The following PCNX3 variants were observed in gnomAD, a reference collection of about 807,000 sequenced individuals.
PCNX3 encodes pecanex-like protein 3.
A neutral mutation model predicts 207.2 loss-of-function variants in PCNX3; 58 were observed. The observed-to-expected ratio is 0.28, with a 90% CI of 0.23 to 0.35. PCNX3 has a LOEUF of 0.35. Among genes scored for constraint, PCNX3 ranks in the 10% least tolerant of loss-of-function variants. The pLI, the probability that PCNX3 is intolerant of heterozygous loss-of-function variation, is 1.00. For missense variants in PCNX3, 2,410 were observed against 2,774.4 expected, an observed-to-expected ratio of 0.87 and a Z score of 2.95; for synonymous variants, 1,337 against 1,183.5, an observed-to-expected ratio of 1.13 and a Z score of -2.66.
rs571809760 is a variant in PCNX3, at chr11:65,635,958, C to T, written c.5459+155C>T. Among the ~76,000 whole-genome samples, 1 of 152,244 alleles carries T rather than the reference C, an allele frequency of 6.6e-6. No homozygotes were observed. Among genetic ancestry groups the T allele is most frequent in the East Asian group, 1.9e-4 (1 of 5,186 alleles). ...CTGACCTGCCCCTCCTAGATGTCAC[C>T]TTACCCCCAGAGCTGACAGTGGCCT... On this transcript the variant is annotated intron_variant, in intron 32 of 34. Coordinates refer to ENST00000355703, the MANE Select transcript of PCNX3 (RefSeq NM_032223.4). This position sits in a 1 kb window ranked among gnomAD's most constrained non-coding sequence, Gnocchi z 9.9.
In PCNX3 at chr11:65,625,096, T is replaced by A; in HGVS notation, c.2920-75T>A. ...CGGGGCTGTGAACTGGGCTCAGCAG[T>A]GGCTTCTCACACGGGGGCAGCCCGG... On this transcript the variant is annotated intron_variant, in intron 16 of 34. Coordinates refer to ENST00000355703, the MANE Select transcript of PCNX3 (RefSeq NM_032223.4). The surrounding 1 kb of genome is among the most constrained non-coding windows in gnomAD (Gnocchi z 5.6). The A allele has an allele frequency of 4.5e-6, 7 of 1,553,634 alleles. No individual in the cohort carries two copies. The South Asian group carries it at 6.8e-5, about 15-fold the overall frequency.
chr11:65,624,835 C>A, intron 15 of PCNX3, 90 bp from the exon 16 acceptor site: 3 of 1,350,392 alleles, frequency 2.2e-6, no homozygotes, highest in Admixed American at 2.0e-5. Context: ...CCAGGGAGGC[C>A]AGCCTCTGGG....
Position 65,625,000 on chromosome 11 carries a change from G to T in PCNX3, c.2903G>T (p.Cys968Phe), listed in dbSNP as rs1481357133. The part of the protein sequence containing the change: ...LLAAALLYGF[C>F]LGAIKTPWPE... ...GCTGCTGCCCTGCTCTACGGTTTCT[G>T]CCTTGGGGCCATCAAGGTAGGGGTG... Residue 968 changes from cysteine (C) to phenylalanine (F), a missense_variant, in exon 16 of 35, where the codon TGC (cysteine) becomes TTC (phenylalanine). Around this residue, in one of 8 missense-constraint regions of PCNX3, gnomAD observed 333 missense variants for 386.8 expected, o/e 0.86. Transcript: ENST00000355703. The T allele has an allele frequency of 1.9e-6, 3 of 1,612,694 alleles. No individual in the cohort carries two copies. Among genetic ancestry groups the T allele is most frequent in the Non-Finnish European group, 2.5e-6 (3 of 1,179,562 alleles).
intron 27 of PCNX3, 94 bp downstream of exon 27, chr11:65,630,698 G>T: frequency 1.3e-6 from 2 of 1,488,960 alleles, no homozygotes; most frequent in Admixed American, 4.2e-5. Context: ...GTTGTTGGGA[G>T]CCTGTTTTGT....
chr11:65,617,546 G>A (rs1565151741), intron 4 of PCNX3, 37 bp downstream of exon 4: 1 of 1,613,942 alleles, frequency 6.2e-7, no homozygotes, highest in Admixed American at 1.7e-5. Context: ...GCATAGTGCT[G>A]TGGAACAGGG....
chr11:65,624,803 A>G (rs1209352363), intron 15 of PCNX3, 122 bp from the exon 16 acceptor site: 4 of 1,073,820 alleles, frequency 3.7e-6, no homozygotes, highest in Non-Finnish European at 4.0e-6. Flanking sequence ...GCAGCAGAGA[A>G]CAATGGGCTG....
rs1565163073 is a variant in PCNX3 at position 65,625,325 on chromosome 11, T to C, written c.3029+45T>C. The C allele has an allele frequency of 6.3e-7, 1 of 1,589,294 alleles. No homozygotes were observed. The highest frequency in any genetic ancestry group is 1.1e-5 in the South Asian group (1 of 90,528). On this transcript the variant is annotated intron_variant, in intron 17 of 34. Transcript: ENST00000355703. This position sits in a 1 kb window ranked among gnomAD's most constrained non-coding sequence, Gnocchi z 5.6. ...TGTGTTTGTGTCTGCCCAGTAGGGG[T>C]TTGTGGTCTGTGCATGTGCCCGTGA...
intron 29 of PCNX3, 140 bp downstream of exon 29, chr11:65,634,781 G>C (rs1205321056): frequency 5.9e-6 from 7 of 1,178,644 alleles, no homozygotes; most frequent in Non-Finnish European, 5.9e-6. Flanking sequence ...CCCACGGGCA[G>C]GGCACTTCCT....
In PCNX3 at chr11:65,635,215, C is replaced by T; in HGVS notation, c.4954-3C>T. 1 of 1,590,744 alleles carries T rather than the reference C, an allele frequency of 6.3e-7. No individual in the cohort carries two copies. The highest frequency in any genetic ancestry group is 1.1e-5 in the South Asian group (1 of 88,546). On this transcript the variant is annotated splice_polypyrimidine_tract_variant and splice_region_variant and intron_variant, in intron 30 of 34. Transcript: ENST00000355703. This position sits in a 1 kb window ranked among gnomAD's most constrained non-coding sequence, Gnocchi z 9.9. Reference sequence around the variant, plus strand: ...TGACCCCTGTTCCCGTCTTCTCTACCAGGACCACTTCACGTCCCCAGATGA... The same window carrying T: ...TGACCCCTGTTCCCGTCTTCTCTACTAGGACCACTTCACGTCCCCAGATGA...
intron 28 of PCNX3, 58 bp from the exon 29 acceptor site, chr11:65,634,480 C>T: frequency 6.5e-7 from 1 of 1,531,222 alleles, no homozygotes; most frequent in Non-Finnish European, 8.8e-7. Flanking sequence ...AGCCCCCACT[C>T]CAAGGTCCCT....
At chr11:65,626,854 G>A in intron 20 of PCNX3, 50 bp from the exon 21 acceptor site, 2 of 1,558,416 alleles carry the variant, frequency 1.3e-6, no homozygotes, top group Non-Finnish European at 1.7e-6. Flanking sequence ...CTTCCTCAGG[G>A]AAGGCAGGCA....
At chr11:65,624,400 G>C in intron 14 of PCNX3, 34 bp downstream of exon 14, 2 of 1,551,814 alleles carry the variant, frequency 1.3e-6, no homozygotes, top group Non-Finnish European at 1.7e-6. Flanking sequence ...TGGCCCAGGA[G>C]AGTGAGTCCC....
rs1429454992 is a variant in PCNX3, at chr11:65,634,123, C to T, written c.4471-3C>T. Reference sequence around the variant, plus strand: ...GGCCTGACGCCTGCCCCTCCTCTCCCAGAGCATCATCTACTACGTGAGCCG... The same window carrying T: ...GGCCTGACGCCTGCCCCTCCTCTCCTAGAGCATCATCTACTACGTGAGCCG... On this transcript the variant is annotated splice_polypyrimidine_tract_variant and splice_region_variant and intron_variant, in intron 27 of 34. Transcript: ENST00000355703. 6.2e-7 allele frequency: 1 copy of T among 1,610,062 alleles called. No individual in the cohort carries two copies.
intron 24 of PCNX3, 26 bp from the exon 25 acceptor site, chr11:65,629,331 C>T (rs757311920): frequency 1.9e-5 from 31 of 1,603,378 alleles, no homozygotes; most frequent in African/African-American, 6.7e-5. Flanking sequence ...CTTGGCCAAC[C>T]GCCTTGTTGC....
In PCNX3 at chr11:65,618,767, A is replaced by T. The variant is rs375974646; in HGVS notation, c.1405A>T (p.Arg469Trp). 1 of 1,611,430 alleles carries T rather than the reference A, an allele frequency of 6.2e-7. No individual in the cohort carries two copies. The highest frequency in any genetic ancestry group is 8.5e-7 in the Non-Finnish European group (1 of 1,179,268). ...RGAAGGPRKR[R>W]APHGAEEGTA... ...TGCAGCAGGGGGACCCCGGAAGCGGAGGGCCCCCCATGGGGCTGAGGAGGG... is the reference window on the plus strand; with the variant it reads ...TGCAGCAGGGGGACCCCGGAAGCGGTGGGCCCCCCATGGGGCTGAGGAGGG... Residue 469 changes from arginine (R) to tryptophan (W), a missense_variant, in exon 6 of 35, where the codon AGG becomes TGG. By Grantham distance (101) the Arg-to-Trp change is moderately radical. Around this residue, in one of 8 missense-constraint regions of PCNX3, gnomAD observed 1,104 missense variants for 970.3 expected, o/e 1.14. Coordinates refer to ENST00000355703, the MANE Select transcript of PCNX3 (RefSeq NM_032223.4).
In PCNX3 at chr11:65,623,626, C is replaced by T. The variant is rs1855225594; in HGVS notation, c.2493C>T (p.Cys831=). Residue 831 remains cysteine (C), a synonymous_variant, in exon 12 of 35, where the codon TGC becomes TGT. Coordinates refer to ENST00000355703, the MANE Select transcript of PCNX3 (RefSeq NM_032223.4). ...AGTTCTGCCTGGTCATCGCCTCCTG[C>T]CAGTACTCCTTGCTGAAGGTCAGGC... ...VFQFCLVIAS[C]QYSLLKSVQP... 1.9e-6 allele frequency: 3 copies of T among 1,613,404 alleles called. No individual in the cohort carries two copies. The highest frequency in any genetic ancestry group is 2.5e-6 in the Non-Finnish European group (3 of 1,179,612).
chr11:65,621,631 C>T (rs974028955), intron 10 of PCNX3, among the ~76,000 whole-genome samples: 6 of 152,202 alleles, frequency 3.9e-5, no homozygotes, highest in East Asian at 1.9e-4. Flanking sequence ...GCGTGGCCGG[C>T]GGCCGCCTCC....
intron 20 of PCNX3, chr11:65,626,371 C>T: frequency 1.8e-6 from 1 of 555,018 alleles, no homozygotes. Flanking sequence ...AAACACTGAT[C>T]ACCAGTGGAC....
chr11:65,617,460 G>C lies in PCNX3; in HGVS notation c.442-10G>C. The C allele has an allele frequency of 6.2e-7, 1 of 1,613,910 alleles. No individual in the cohort carries two copies. Among genetic ancestry groups the C allele is most frequent in the Non-Finnish European group, 8.5e-7 (1 of 1,179,878 alleles). On this transcript the variant is annotated splice_polypyrimidine_tract_variant and intron_variant, in intron 3 of 34. Transcript: ENST00000355703. ...CTTGTTTGTTCCTTCATGGCTCTCT[G>C]TCTACTCAGGAGCTGCTGCCCCGAA...
Sources: gnomAD v4.1 joint callset for allele counts (sites outside exome capture counted in the v4.1 genomes callset) on GRCh38, gnomAD v4.1.1 for gene constraint, gnomAD v4.1.1 regional missense constraint, Gnocchi (gnomAD v3.1) non-coding constraint, MANE v1.5 for transcripts, NCBI Gene and HGNC (gene_info 2026-07-23, HGNC 2026-07-21) for gene names.